The following MAGI2 variants were observed in gnomAD, a reference collection of about 807,000 sequenced individuals.
MAGI2 encodes membrane-associated guanylate kinase, WW and PDZ domain-containing protein 2.
A neutral mutation model predicts 133.3 loss-of-function variants in MAGI2; 35 were observed. The ratio of observed to expected loss-of-function variants is 0.26; its 90% confidence interval spans 0.20 to 0.35. MAGI2 has a LOEUF of 0.35. Ranked by LOEUF, MAGI2 falls within the 10% of genes least tolerant of loss-of-function variation. MAGI2 has a pLI of 1.00. For missense variants in MAGI2, 1,636 were observed against 1,863.4 expected (o/e 0.88, Z 2.25); for synonymous variants, 729 against 710.6 (o/e 1.03, Z -0.41).
At chr7:79,216,256 G>A (rs934998480) in intron 1 of MAGI2, among the ~76,000 whole-genome samples, 9 of 151,908 alleles carry the variant, frequency 5.9e-5, no homozygotes, top group African/African-American at 2.2e-4. Flanking sequence ...TCTAGGGGAA[G>A]ATTGTCTTTC....
At chr7:78,961,276 T>C (rs917057386) in intron 2 of MAGI2, among the ~76,000 whole-genome samples, 36 of 152,208 alleles carry the variant, frequency 2.4e-4, no homozygotes, top group Admixed American at 4.6e-4. Flanking sequence ...AGATGCCAAA[T>C]TGGGCTTCCC....
chr7:78,430,240 CTT>C (rs545809101), intron 6 of MAGI2, among the ~76,000 whole-genome samples: 59 of 76,640 alleles, frequency 7.7e-4, no homozygotes, highest in African/African-American at 2.9e-3. Context: ...CTGGAAAAGC[CTT>C]TTTTTTTTTT....
chr7:79,179,515 A>T (rs1826427700), intron 1 of MAGI2, among the ~76,000 whole-genome samples: 1 of 152,044 alleles, frequency 6.6e-6, no homozygotes, highest in Non-Finnish European at 1.5e-5. Flanking sequence ...ATATAACTTG[A>T]ATTCAAAATA....
intron 2 of MAGI2, among the ~76,000 whole-genome samples, chr7:78,660,810 T>C (rs968763131): frequency 1.3e-5 from 2 of 152,228 alleles, no homozygotes; most frequent in East Asian, 1.9e-4. Context: ...AAAATATATG[T>C]AGACATATTT....
intron 2 of MAGI2, among the ~76,000 whole-genome samples, chr7:78,938,050 G>A (rs1338053493): frequency 6.6e-6 from 1 of 152,046 alleles, no homozygotes; most frequent in Non-Finnish European, 1.5e-5. Flanking sequence ...AATATTGTAT[G>A]GCAAAATATA....
At chr7:78,931,432 T>C (rs1057294919) in intron 2 of MAGI2, among the ~76,000 whole-genome samples, 1 of 152,124 alleles carries the variant, frequency 6.6e-6, no homozygotes, top group Non-Finnish European at 1.5e-5. Context: ...CAGTGAGCAA[T>C]TGGCCCTGCC....
intron 2 of MAGI2, among the ~76,000 whole-genome samples, chr7:78,686,608 G>T (rs2159017): frequency 0.16 from 23,973 of 148,896 alleles, 1,934 homozygotes; most frequent in Middle Eastern, 0.23. Context: ...AGATGAAATT[G>T]TATCTGAAGA....
chr7:79,021,087 G>T (rs1254683842), intron 1 of MAGI2, among the ~76,000 whole-genome samples: 1 of 152,214 alleles, frequency 6.6e-6, no homozygotes, highest in Non-Finnish European at 1.5e-5. Flanking sequence ...TGGGCCTGCA[G>T]GTGCACAGAA....
At chr7:78,508,181 A>G (rs11975329) in intron 4 of MAGI2, among the ~76,000 whole-genome samples, 8,951 of 152,148 alleles carry the variant, frequency 0.059, 485 homozygotes, top group African/African-American at 0.14. Context: ...CAGGATGACC[A>G]CGTCCTAACT....
chr7:78,342,011 A>G lies in MAGI2; in HGVS notation c.1408+1767T>C, dbSNP rs540779297. Among the ~76,000 whole-genome samples, 22 of 152,198 alleles carry G rather than the reference A, an allele frequency of 1.4e-4. No individual in the cohort carries two copies. In the South Asian group the frequency reaches 3.5e-3, roughly 24 times the overall value. ...TGCACTGCAAAAGAAACTATCATCA[A>G]AGTGAACAGGCAACCTACAGAATGG... On this transcript the variant is annotated intron_variant, in intron 9 of 21. Transcript: ENST00000354212.
At chr7:78,879,231 C>A (rs1795660712) in intron 2 of MAGI2, among the ~76,000 whole-genome samples, 1 of 152,212 alleles carries the variant, frequency 6.6e-6, no homozygotes, top group African/African-American at 2.4e-5. Context: ...TCTGGCCCCA[C>A]CCATACTGGT....
At chr7:78,847,027 T>C (rs1456559977) in intron 2 of MAGI2, among the ~76,000 whole-genome samples, 1 of 151,984 alleles carries the variant, frequency 6.6e-6, no homozygotes, top group Non-Finnish European at 1.5e-5. Context: ...AAATAGCACT[T>C]CTGCTATTTA....
chr7:78,495,907 A>C lies in MAGI2; in HGVS notation c.965+5670T>G, dbSNP rs1181700753. 2.6e-5 allele frequency among the ~76,000 whole-genome samples: 4 copies of C among 152,312 alleles called. No individual in the cohort carries two copies. The East Asian group carries it at 7.7e-4, about 29-fold the overall frequency. On this transcript the variant is annotated intron_variant, in intron 5 of 21. Coordinates refer to ENST00000354212, the MANE Select transcript of MAGI2 (RefSeq NM_012301.4). ...AAAAAAAATATATGAAAAAATATTC[A>C]ATGTATCTCCTGTCTTTGTAATATG...
intron 2 of MAGI2, among the ~76,000 whole-genome samples, chr7:78,760,197 T>C (rs560349021): frequency 2.0e-4 from 30 of 152,314 alleles, no homozygotes; most frequent in African/African-American, 6.5e-4. Flanking sequence ...ACCTGCCTTT[T>C]ATAACCTGTA....
intron 14 of MAGI2, among the ~76,000 whole-genome samples, chr7:78,172,445 T>C (rs951560722): frequency 3.3e-5 from 5 of 152,250 alleles, no homozygotes; most frequent in Admixed American, 6.5e-5. Flanking sequence ...TGCAGTGTTT[T>C]CCAGATCTCT....
At chr7:79,141,898 G>A (rs1200713591) in intron 1 of MAGI2, among the ~76,000 whole-genome samples, 1 of 151,686 alleles carries the variant, frequency 6.6e-6, no homozygotes, top group Non-Finnish European at 1.5e-5. Flanking sequence ...TTAAATTTCT[G>A]GGTTTTAATG....
At chr7:79,308,152 G>C (rs897321587) in intron 1 of MAGI2, among the ~76,000 whole-genome samples, 1 of 152,138 alleles carries the variant, frequency 6.6e-6, no homozygotes, top group Non-Finnish European at 1.5e-5. Flanking sequence ...ATGAAAAACA[G>C]TGTTTAGCAT....
chr7:78,104,307 C>G (rs1818462798), intron 20 of MAGI2, among the ~76,000 whole-genome samples: 1 of 152,042 alleles, frequency 6.6e-6, no homozygotes, highest in South Asian at 2.1e-4. Flanking sequence ...ACTGCAAGCT[C>G]CGCCTCCTGG....
At chr7:78,620,595 G>T (rs1193907769) in intron 3 of MAGI2, among the ~76,000 whole-genome samples, 1 of 151,964 alleles carries the variant, frequency 6.6e-6, no homozygotes, top group Non-Finnish European at 1.5e-5. Context: ...GCTGTTTGCA[G>T]TAGGCTCAAG....
Sources: allele counts gnomAD v4.1 joint callset (sites outside exome capture counted in the v4.1 genomes callset), GRCh38; gene constraint gnomAD v4.1.1; transcripts MANE v1.5; gene names NCBI Gene and HGNC (gene_info 2026-07-23, HGNC 2026-07-21).